PCDHA3: variants seen among roughly 807,000 people sequenced by gnomAD.
The protein encoded by PCDHA3 is protocadherin alpha 3, also known as protocadherin alpha-3.
In PCDHA3, 41 loss-of-function variants were observed where a neutral mutation model predicts 62.2. That is an observed-to-expected ratio of 0.66 (90% CI 0.51 to 0.86). PCDHA3 has a LOEUF of 0.86. PCDHA3 is among the 40% of genes least tolerant of loss of function. PCDHA3 has a pLI of 0.00. For synonymous variants in PCDHA3, 640 were observed against 555.4 expected (o/e 1.15, Z -2.14); for missense variants, 1,304 against 1,241.2 (o/e 1.05, Z -0.76).
chr5:140,937,106 C>T (rs2091337574), intron 1 of PCDHA3, among the ~76,000 whole-genome samples: 1 of 149,206 alleles, frequency 6.7e-6, no homozygotes, highest in Admixed American at 6.7e-5. Context: ...GGCGCAGTCT[C>T]GGCTCACTGC....
chr5:140,822,480 T>C, intron 1 of PCDHA3: 1 of 1,613,872 alleles, frequency 6.2e-7, no homozygotes, highest in African/African-American at 1.3e-5. Context: ...TGGATGCTAA[T>C]GATAACGCCC....
In PCDHA3 at chr5:140,843,020, G is replaced by C. The variant is rs142550829; in HGVS notation, c.2394+39429G>C. The C allele has an allele frequency of 3.1e-6, 5 of 1,595,174 alleles. 1 individual carries two copies. Among genetic ancestry groups the C allele is most frequent in the Non-Finnish European group, 4.3e-6 (5 of 1,165,458 alleles). ...GAATGACAACGCGCCGGCACTGCTGGAGCCTCGGGTGGGTGGCACTGGTGG... is the reference window on the plus strand; with the variant it reads ...GAATGACAACGCGCCGGCACTGCTGCAGCCTCGGGTGGGTGGCACTGGTGG... On this transcript the variant is annotated intron_variant, in intron 1 of 3. Coordinates refer to ENST00000522353, the MANE Select transcript of PCDHA3 (RefSeq NM_018906.3).
rs1554151138 is a variant in PCDHA3, at chr5:140,858,086, C to A, written c.2394+54495C>A. The A allele has an allele frequency of 2.5e-6, 4 of 1,597,802 alleles. 1 individual carries two copies. Among genetic ancestry groups the A allele is most frequent in the Non-Finnish European group, 2.6e-6 (3 of 1,167,670 alleles). On this transcript the variant is annotated intron_variant, in intron 1 of 3. Transcript: ENST00000522353. The stretch of plus-strand genomic sequence containing the variant: ...CAGCCAGGCACCCAAGGCCTCGTCG[C>A]GGGCTTCAGTGGGCGTGGCGCCCGA...
chr5:140,871,710 C>T (rs1306052156), intron 1 of PCDHA3: 4 of 826,486 alleles, frequency 4.8e-6, no homozygotes, highest in East Asian at 2.8e-5. Flanking sequence ...AATAAATGTC[C>T]TATTTCTCTT....
intron 1 of PCDHA3, chr5:140,884,763 CT>C (rs1206964755): frequency 1.9e-5 from 27 of 1,421,678 alleles, no homozygotes; most frequent in Non-Finnish European, 2.4e-5. Context: ...TTATTCTTTA[CT>C]TTAATTTTAA....
At chr5:140,874,328 T>G (rs937817026) in intron 1 of PCDHA3, among the ~76,000 whole-genome samples, 1 of 144,806 alleles carries the variant, frequency 6.9e-6, no homozygotes, top group African/African-American at 2.9e-5. Flanking sequence ...TCTTATCTGT[T>G]TTTTTCTCTT....
At chr5:140,848,291 G>A (rs2150408103) in intron 1 of PCDHA3, 336,332 of 624,962 alleles carry the variant, frequency 0.54, 101,055 homozygotes, top group South Asian at 0.62. Context: ...TACACTTTGG[G>A]CCACGTGATG....
chr5:140,917,450 G>A (rs1220183879), intron 1 of PCDHA3, among the ~76,000 whole-genome samples: 2 of 152,010 alleles, frequency 1.3e-5, no homozygotes, highest in Non-Finnish European at 2.9e-5. Context: ...CTGCAAGAGC[G>A]TTTGGCATCT....
chr5:140,870,627 G>C, intron 1 of PCDHA3: 4 of 1,613,028 alleles, frequency 2.5e-6, no homozygotes, highest in Non-Finnish European at 3.4e-6. Context: ...GCTACGTGTC[G>C]GTGCACGCGG....
intron 1 of PCDHA3, among the ~76,000 whole-genome samples, chr5:140,955,342 C>T (rs981239160): frequency 1.3e-5 from 2 of 152,130 alleles, no homozygotes; most frequent in Admixed American, 6.6e-5. Context: ...ATAATCCCCA[C>T]ATGTTGTGAG....
At chr5:140,968,027 C>G in intron 1 of PCDHA3, 2 of 1,614,200 alleles carry the variant, frequency 1.2e-6, no homozygotes, top group Middle Eastern at 1.6e-4. Flanking sequence ...CTCCTATACA[C>G]TGGTGGTGAG....
chr5:140,866,444 T>G (rs1399450824), intron 1 of PCDHA3: 1 of 152,130 alleles, frequency 6.6e-6, no homozygotes, highest in African/African-American at 2.4e-5. Context: ...TTCTTCAGTC[T>G]TATTGTTGGC....
chr5:140,894,778 T>C (rs1477645245), intron 1 of PCDHA3, among the ~76,000 whole-genome samples: 1 of 152,140 alleles, frequency 6.6e-6, no homozygotes, highest in Non-Finnish European at 1.5e-5. Flanking sequence ...TTTAGTGTAA[T>C]TATTTGTCCT....
chr5:140,814,837 G>A (rs1178502842), intron 1 of PCDHA3: 1 of 152,114 alleles, frequency 6.6e-6, no homozygotes, highest in Non-Finnish European at 1.5e-5. Context: ...CTCCATTTCT[G>A]TGAATGTTTG....
At chr5:140,804,435 G>A (rs1315847720) in intron 1 of PCDHA3, 3 of 152,046 alleles carry the variant, frequency 2.0e-5, no homozygotes, top group African/African-American at 4.8e-5. Context: ...TTAAAAGAAT[G>A]TTTTAAATCT....
chr5:140,869,373 C>A (rs782224697), intron 1 of PCDHA3: 1 of 1,614,102 alleles, frequency 6.2e-7, no homozygotes, highest in Non-Finnish European at 8.5e-7. Context: ...ATTCTCGGAT[C>A]GACCGCGAGG....
intron 1 of PCDHA3, among the ~76,000 whole-genome samples, chr5:140,935,339 A>G (rs1048024159): frequency 1.3e-5 from 2 of 152,180 alleles, no homozygotes; most frequent in Admixed American, 6.5e-5. Context: ...TTTCTCCCAT[A>G]CGTCAAATCC....
intron 1 of PCDHA3, among the ~76,000 whole-genome samples, chr5:140,875,022 C>A (rs1267699693): frequency 1.3e-5 from 2 of 152,116 alleles, no homozygotes; most frequent in Non-Finnish European, 2.9e-5. Context: ...TAGGTTCTGG[C>A]CTACTGTATT....
chr5:140,837,632 C>T (rs2150277792), intron 1 of PCDHA3, among the ~76,000 whole-genome samples: 69 of 151,222 alleles, frequency 4.6e-4, no homozygotes, highest in South Asian at 6.3e-4. Flanking sequence ...TTCCTTCCTT[C>T]CTTTCTTTCT....
Sources: allele counts gnomAD v4.1 joint callset (sites outside exome capture counted in the v4.1 genomes callset), GRCh38; gene constraint gnomAD v4.1.1; transcripts MANE v1.5; gene names NCBI Gene and HGNC (gene_info 2026-07-23, HGNC 2026-07-21).